The following TBC1D32 variants were observed in gnomAD, a reference collection of about 807,000 sequenced individuals.
TBC1D32 encodes protein broad-minded.
A neutral mutation model predicts 170.3 loss-of-function variants in TBC1D32; 151 were observed. The observed-to-expected ratio is 0.89, with a 90% CI of 0.78 to 1.01. The LOEUF (loss-of-function observed/expected upper bound fraction) is 1.01, where lower values mean the gene tolerates loss of function less well. Ranked by LOEUF, TBC1D32 falls within the 50% of genes least tolerant of loss-of-function variation. The pLI, the probability that TBC1D32 is intolerant of heterozygous loss-of-function variation, is 0.00. For missense variants in TBC1D32, 1,464 were observed against 1,457.1 expected (o/e 1.00, Z -0.08); for synonymous variants, 498 against 488.0 (o/e 1.02, Z -0.27).
intron 24 of TBC1D32, among the ~76,000 whole-genome samples, chr6:121,141,750 CTT>C (rs1344883837): frequency 6.6e-6 from 1 of 151,784 alleles, no homozygotes; most frequent in Non-Finnish European, 1.5e-5. Context: ...CACACAGAAA[CTT>C]ATGCATGAAT....
Position 121,223,278 on chromosome 6 carries a change from A to G in TBC1D32, c.2439T>C (p.Asn813=). The stretch of plus-strand genomic sequence containing the variant: ...CTTCACGAAGAGAATATTCTGTTTT[A>G]TTAGGAAGATCTTGATTCCTTACAA... The part of the protein sequence containing the change: ...YELVRNQDLP[N]KTEYSLREVP... The change falls in exon 21 of 32, where the codon AAT becomes AAC. Residue 813 remains asparagine (N), a synonymous_variant. Transcript: ENST00000398212. 1.9e-6 allele frequency: 3 copies of G among 1,592,768 alleles called. No homozygotes were observed. The highest frequency in any genetic ancestry group is 1.2e-5 in the South Asian group (1 of 86,500).
chr6:121,208,857 T>G (rs1447815761), intron 21 of TBC1D32, among the ~76,000 whole-genome samples: 3 of 151,976 alleles, frequency 2.0e-5, no homozygotes, highest in African/African-American at 7.2e-5. Flanking sequence ...AATAAATTTT[T>G]GTGATTTAAA....
At position 121,254,260 on chromosome 6, in the gene TBC1D32, G is replaced by A. The variant is rs1405576489; in HGVS notation, c.2018+1068C>T. The stretch of plus-strand genomic sequence containing the variant: ...GAAGGAAAATTTGGAAGGAGGGTAA[G>A]GGATAAAAAATTACATATTGGGTAC... On this transcript the variant is annotated intron_variant, in intron 17 of 31. Coordinates refer to ENST00000398212, the MANE Select transcript of TBC1D32 (RefSeq NM_152730.6). Among the ~76,000 whole-genome samples the A allele has an allele frequency of 3.3e-5, 5 of 152,048 alleles. No homozygotes were observed. The East Asian group carries it at 7.7e-4, about 24-fold the overall frequency.
intron 15 of TBC1D32, among the ~76,000 whole-genome samples, chr6:121,263,086 C>T (rs895610498): frequency 6.6e-6 from 1 of 152,042 alleles, no homozygotes; most frequent in Admixed American, 6.5e-5. Flanking sequence ...ACAATATTAA[C>T]CTACAATGTA....
intron 22 of TBC1D32, among the ~76,000 whole-genome samples, chr6:121,178,551 G>A (rs969423945): frequency 6.6e-6 from 1 of 152,176 alleles, no homozygotes; most frequent in African/African-American, 2.4e-5. Flanking sequence ...TGGACTGAAA[G>A]AATGGCTCTG....
At chr6:121,262,635 C>A (rs1191320849) in intron 15 of TBC1D32, among the ~76,000 whole-genome samples, 1 of 152,028 alleles carries the variant, frequency 6.6e-6, no homozygotes, top group African/African-American at 2.4e-5. Context: ...TGCCACCATA[C>A]CTGGCTAATT....
chr6:121,219,451 G>A (rs1794239543), intron 21 of TBC1D32, among the ~76,000 whole-genome samples: 1 of 152,108 alleles, frequency 6.6e-6, no homozygotes, highest in African/African-American at 2.4e-5. Context: ...GCCCCACAGA[G>A]ATACATGAAA....
chr6:121,151,753 T>TAATG (rs1214198884), intron 24 of TBC1D32, among the ~76,000 whole-genome samples: 3 of 152,240 alleles, frequency 2.0e-5, no homozygotes, highest in Non-Finnish European at 4.4e-5. Context: ...CACCATTATG[T>TAATG]AATGCCCTTC....
intron 19 of TBC1D32, among the ~76,000 whole-genome samples, chr6:121,241,251 T>C (rs1449058350): frequency 1.3e-5 from 2 of 152,148 alleles, no homozygotes; most frequent in Non-Finnish European, 2.9e-5. Flanking sequence ...CAAGGTTGTA[T>C]ATATATCACA....
intron 1 of TBC1D32, among the ~76,000 whole-genome samples, 169 bp from the exon 2 acceptor site, chr6:121,321,963 T>G (rs959084979): frequency 1.6e-4 from 24 of 151,522 alleles, no homozygotes; most frequent in Non-Finnish European, 3.5e-4. Flanking sequence ...CTTTTTTTTT[T>G]CTGAGACACT....
intron 21 of TBC1D32, among the ~76,000 whole-genome samples, chr6:121,210,110 T>G (rs1330224761): frequency 6.6e-6 from 1 of 152,174 alleles, no homozygotes; most frequent in Admixed American, 6.5e-5. Context: ...TCACAGGCGT[T>G]AGAATTTTGG....
intron 14 of TBC1D32, 35 bp downstream of exon 14, chr6:121,281,509 A>G: frequency 6.4e-7 from 1 of 1,571,870 alleles, no homozygotes; most frequent in Non-Finnish European, 8.7e-7. Flanking sequence ...TACCCAGGTA[A>G]GAGACTCTTT....
chr6:121,199,413 A>G (rs1328354508), intron 22 of TBC1D32, among the ~76,000 whole-genome samples: 1 of 151,328 alleles, frequency 6.6e-6, no homozygotes, highest in African/African-American at 2.5e-5. Context: ...GTAGCTAAAG[A>G]TCAAAATATG....
intron 3 of TBC1D32, among the ~76,000 whole-genome samples, chr6:121,316,286 C>A (rs1354728150): frequency 6.6e-6 from 1 of 152,100 alleles, no homozygotes; most frequent in Admixed American, 6.6e-5. Context: ...TTCTTATGTT[C>A]CCATTTCAAT....
At chr6:121,285,766 G>T (rs572588716) in intron 12 of TBC1D32, among the ~76,000 whole-genome samples, 2 of 152,152 alleles carry the variant, frequency 1.3e-5, no homozygotes, top group East Asian at 3.9e-4. Flanking sequence ...ACCTCACACG[G>T]CCAGGTACTC....
At chr6:121,149,878 C>G (rs778535384) in intron 24 of TBC1D32, among the ~76,000 whole-genome samples, 2 of 152,162 alleles carry the variant, frequency 1.3e-5, no homozygotes, top group Admixed American at 1.3e-4. Context: ...ATTGATTATT[C>G]CTATGCATGA....
intron 24 of TBC1D32, among the ~76,000 whole-genome samples, chr6:121,151,891 G>T (rs1465797963): frequency 6.6e-6 from 1 of 152,150 alleles, no homozygotes; most frequent in Non-Finnish European, 1.5e-5. Flanking sequence ...GAGCCTATGT[G>T]TGTCTTTGTA....
chr6:121,160,659 G>A (rs138293512), intron 23 of TBC1D32, among the ~76,000 whole-genome samples: 42 of 152,198 alleles, frequency 2.8e-4, no homozygotes, highest in African/African-American at 9.6e-4. Flanking sequence ...GACATTGAAA[G>A]TAAAATATTC....
intron 2 of TBC1D32, among the ~76,000 whole-genome samples, chr6:121,320,232 A>T (rs866498991): frequency 1.5e-5 from 2 of 133,520 alleles, no homozygotes; most frequent in Non-Finnish European, 3.4e-5. Context: ...AAAAACTGGG[A>T]AAAAAAAAAA....
Sources: gnomAD v4.1 joint callset for allele counts (sites outside exome capture counted in the v4.1 genomes callset) on GRCh38, gnomAD v4.1.1 for gene constraint, MANE v1.5 for transcripts, NCBI Gene and HGNC (gene_info 2026-07-23, HGNC 2026-07-21) for gene names.